The following HTR1D variants were observed in gnomAD, a reference collection of about 807,000 sequenced individuals.
HTR1D encodes the protein 5-hydroxytryptamine receptor 1D.
HTR1D carries 18 observed loss-of-function variants against 21.1 expected under a neutral mutation model. That is an observed-to-expected ratio of 0.85 (90% CI 0.59 to 1.27). The LOEUF (loss-of-function observed/expected upper bound fraction) is 1.27, where lower values mean the gene tolerates loss of function less well. Among genes scored for constraint, HTR1D ranks in the 50% most tolerant of loss-of-function variants. The pLI, the probability that HTR1D is intolerant of heterozygous loss-of-function variation, is 0.00. For synonymous variants in HTR1D, 196 were observed against 204.4 expected (o/e 0.96, Z 0.35); for missense variants, 456 against 481.4 (o/e 0.95, Z 0.49).
At chr1:23,212,016 C>T (rs565438037) in intron 1 of HTR1D, among the ~76,000 whole-genome samples, 2 of 152,182 alleles carry the variant, frequency 1.3e-5, no homozygotes, top group East Asian at 1.9e-4. Flanking sequence ...TCACACAGCC[C>T]GGTCATTTCC....
chr1:23,203,584 G>GC (rs1450437060), intron 1 of HTR1D, among the ~76,000 whole-genome samples: 5 of 152,164 alleles, frequency 3.3e-5, no homozygotes, highest in African/African-American at 1.2e-4. Flanking sequence ...TTGAGCCCAA[G>GC]AGTTTGAGGT....
intron 1 of HTR1D, among the ~76,000 whole-genome samples, chr1:23,195,982 C>G (rs1569754359): frequency 1.3e-5 from 2 of 152,052 alleles, no homozygotes; most frequent in South Asian, 4.1e-4. Context: ...TGCACACCAC[C>G]GTGCCCAGCT....
chr1:23,203,478 G>A (rs889168634), intron 1 of HTR1D, among the ~76,000 whole-genome samples: 3 of 152,024 alleles, frequency 2.0e-5, no homozygotes, highest in Non-Finnish European at 2.9e-5. Flanking sequence ...GCAACATAGC[G>A]AGACCTCATC....
intron 1 of HTR1D, among the ~76,000 whole-genome samples, chr1:23,199,544 A>G (rs568242878): frequency 1.4e-5 from 2 of 143,310 alleles, no homozygotes; most frequent in African/African-American, 5.2e-5. Flanking sequence ...GATCCTCCCA[A>G]CTTGGCCTCC....
intron 1 of HTR1D, among the ~76,000 whole-genome samples, chr1:23,202,717 T>C (rs1271889017): frequency 6.6e-6 from 1 of 152,146 alleles, no homozygotes; most frequent in African/African-American, 2.4e-5. Flanking sequence ...GATGGAGAAA[T>C]CACTCTGCAC....
At chr1:23,200,921 C>T (rs1472294189) in intron 1 of HTR1D, among the ~76,000 whole-genome samples, 1 of 152,200 alleles carries the variant, frequency 6.6e-6, no homozygotes. Flanking sequence ...GCCCCCACCT[C>T]CACCTCCAGG....
In HTR1D at chr1:23,194,274, G is replaced by A. The variant is rs1644676423; in HGVS notation, c.-55C>T. On this transcript the variant is annotated 5_prime_UTR_variant, in exon 2 of 2. Transcript: ENST00000374619. Reference sequence around the variant, plus strand: ...CCACACATTTGGCTCCTTCCTTCAAGGTTGTCCTGACAACAGAGCAAAGTC... The same window carrying A: ...CCACACATTTGGCTCCTTCCTTCAAAGTTGTCCTGACAACAGAGCAAAGTC... 6.6e-7 allele frequency: 1 copy of A among 1,525,140 alleles called. No individual in the cohort carries two copies. The highest frequency in any genetic ancestry group is 8.9e-7 in the Non-Finnish European group (1 of 1,123,642). 94.5% of individuals were successfully genotyped at this position (1,525,140 alleles called of 1,614,324 possible). A position where few individuals can be genotyped will look rare whatever the true frequency, so the allele number is the denominator to read the frequency against.
At chr1:23,214,544 C>T (rs1313656390) in intron 1 of HTR1D, among the ~76,000 whole-genome samples, 1 of 152,124 alleles carries the variant, frequency 6.6e-6, no homozygotes, top group African/African-American at 2.4e-5. Context: ...GCTGCCACCC[C>T]GGCCGTCTCT....
At chr1:23,212,138 T>G (rs1410823656) in intron 1 of HTR1D, among the ~76,000 whole-genome samples, 2 of 152,182 alleles carry the variant, frequency 1.3e-5, no homozygotes, top group Non-Finnish European at 2.9e-5. Flanking sequence ...CTTGAGTCTC[T>G]GCGCAGGCTA....
intron 1 of HTR1D, among the ~76,000 whole-genome samples, chr1:23,198,136 C>T (rs1419921854): frequency 1.3e-5 from 2 of 150,882 alleles, no homozygotes; most frequent in Non-Finnish European, 1.5e-5. Flanking sequence ...CTTTGGGAGG[C>T]CAAGGCAGGA....
At chr1:23,209,723 C>T (rs1389026130) in intron 1 of HTR1D, among the ~76,000 whole-genome samples, 2 of 152,102 alleles carry the variant, frequency 1.3e-5, no homozygotes, top group African/African-American at 4.8e-5. Context: ...AGAGAAATGG[C>T]TTGCCTAAGA....
intron 1 of HTR1D, among the ~76,000 whole-genome samples, chr1:23,209,308 C>G (rs1186943612): frequency 6.6e-6 from 1 of 152,132 alleles, no homozygotes; most frequent in African/African-American, 2.4e-5. Context: ...CCTAGTTTCA[C>G]TTTTTAAAAA....
Position 23,205,787 on chromosome 1 carries a change from C to T in HTR1D, c.-782-10786G>A, listed in dbSNP as rs138752329. Among the ~76,000 whole-genome samples, 523 of 152,264 alleles carry T rather than the reference C, an allele frequency of 3.4e-3. 3 individuals are homozygous for T. Among genetic ancestry groups the T allele is most frequent in the African/African-American group, 0.012 (497 of 41,542 alleles). ...GAACTCCTGACCTCAGGTGACCCAC[C>T]CTCCTCAGCCTCCCAAAGTGTTGGG... On this transcript the variant is annotated intron_variant, in intron 1 of 1. Transcript: ENST00000374619.
rs777823119 is a variant in HTR1D at position 23,193,847 on chromosome 1, A to C, written c.373T>G (p.Ser125Ala). The change falls in exon 2 of 2, where the codon TCC becomes GCC. Residue 125 changes from serine (S) to alanine (A), a missense_variant. Transcript: ENST00000374619. Reference protein sequence around the residue: ...LSSDITCCTASILHLCVIALD... With the variant: ...LSSDITCCTAAILHLCVIALD... ...GCAATGACACAGAGATGCAGGATGG[A>C]GGCTGTGCAGCACGTGATGTCAGAG... The C allele has an allele frequency of 1.2e-6, 2 of 1,614,208 alleles. No individual in the cohort carries two copies. The highest frequency in any genetic ancestry group is 2.2e-5 in the South Asian group (2 of 91,084).
At chr1:23,201,010 A>G (rs768549469) in intron 1 of HTR1D, among the ~76,000 whole-genome samples, 1 of 152,112 alleles carries the variant, frequency 6.6e-6, no homozygotes, top group Non-Finnish European at 1.5e-5. Context: ...ATCTCTGAAG[A>G]GGGGTGGAAA....
At chr1:23,209,522 G>A (rs1569766180) in intron 1 of HTR1D, among the ~76,000 whole-genome samples, 1 of 152,062 alleles carries the variant, frequency 6.6e-6, no homozygotes, top group East Asian at 1.9e-4. Flanking sequence ...TGTGGGCATG[G>A]GGATGAGGAG....
intron 1 of HTR1D, among the ~76,000 whole-genome samples, chr1:23,198,191 C>T (rs909691678): frequency 7.1e-6 from 1 of 140,516 alleles, no homozygotes; most frequent in Admixed American, 7.1e-5. Flanking sequence ...AACCCCGTCT[C>T]TACTAAAAAT....
chr1:23,200,560 G>A (rs1359579010), intron 1 of HTR1D, among the ~76,000 whole-genome samples: 1 of 152,020 alleles, frequency 6.6e-6, no homozygotes, highest in African/African-American at 2.4e-5. Flanking sequence ...TTTATTTATG[G>A]ATAGGGTCTC....
intron 1 of HTR1D, among the ~76,000 whole-genome samples, chr1:23,204,165 A>G (rs1287021391): frequency 6.6e-6 from 1 of 150,460 alleles, no homozygotes; most frequent in Non-Finnish European, 1.5e-5. Context: ...TCACTCTGTC[A>G]CCCAGGCTGG....
Sources: allele counts gnomAD v4.1 joint callset (sites outside exome capture counted in the v4.1 genomes callset), GRCh38; gene constraint gnomAD v4.1.1; transcripts MANE v1.5; gene names NCBI Gene and HGNC (gene_info 2026-07-23, HGNC 2026-07-21).